Variants in SNCAIP observed in about 807,000 individuals in gnomAD.
The protein encoded by SNCAIP is synphilin-1.
SNCAIP carries 43 observed loss-of-function variants against 86.7 expected under a neutral mutation model. That is an observed-to-expected ratio of 0.50 (90% CI 0.39 to 0.64). The LOEUF is 0.64. Ranked by LOEUF, SNCAIP falls within the 30% of genes least tolerant of loss-of-function variation. SNCAIP has a pLI of 0.00. For missense variants in SNCAIP, 981 were observed against 1,103.1 expected (o/e 0.89, Z 1.57); for synonymous variants, 417 against 427.2 (o/e 0.98, Z 0.29).
chr5:122,441,966 C>T (rs1004191020), intron 7 of SNCAIP, among the ~76,000 whole-genome samples: 1 of 152,040 alleles, frequency 6.6e-6, no homozygotes, highest in Non-Finnish European at 1.5e-5. Flanking sequence ...CCATATCTAT[C>T]TGATATATAG....
intron 1 of SNCAIP, among the ~76,000 whole-genome samples, chr5:122,384,233 A>C (rs1238685121): frequency 6.6e-6 from 1 of 152,208 alleles, no homozygotes; most frequent in African/African-American, 2.4e-5. Context: ...CTTTGCCCCT[A>C]CTTAGTAGTG....
chr5:122,373,483 A>G (rs1372764873), intron 1 of SNCAIP, among the ~76,000 whole-genome samples: 1 of 152,162 alleles, frequency 6.6e-6, no homozygotes, highest in Non-Finnish European at 1.5e-5. Flanking sequence ...AGAGAAAAAG[A>G]CATTTGAGAT....
intron 10 of SNCAIP, among the ~76,000 whole-genome samples, chr5:122,459,295 A>C (rs1785539981): frequency 6.6e-6 from 1 of 152,218 alleles, no homozygotes; most frequent in African/African-American, 2.4e-5. Context: ...TGTAAGTTGC[A>C]GTCTGGTCAC....
chr5:122,378,390 T>C lies in SNCAIP; in HGVS notation c.-46-12699T>C, dbSNP rs1323639761. ...TCGCCCACTTTTTGATGGGGTTGTT[T>C]GTTTTTTTCTTGTAAATTTGTTTGA... is the stretch of plus-strand genomic sequence containing the variant. On this transcript the variant is annotated intron_variant, in intron 1 of 10. Coordinates refer to ENST00000261368, the MANE Select transcript of SNCAIP (RefSeq NM_005460.4). 2.2e-5 allele frequency among the ~76,000 whole-genome samples: 3 copies of C among 134,696 alleles called. 1 individual carries two copies. Among genetic ancestry groups the C allele is most frequent in the Non-Finnish European group, 4.8e-5 (3 of 62,260 alleles). The allele number at this position is 134,696 out of a possible 152,430, so 88.4% of individuals were successfully genotyped here. A position where few individuals can be genotyped will look rare whatever the true frequency, so the allele number is the denominator to read the frequency against.
rs555907203 is a variant in SNCAIP at position 122,403,833 on chromosome 5, G to A, written c.98G>A (p.Arg33Gln). 8.3e-5 allele frequency: 134 copies of A among 1,613,766 alleles called. 3 individuals are homozygous for A. In the South Asian group the frequency reaches 9.9e-4, roughly 12 times the overall value. Residue 33 changes from arginine to glutamine, a missense_variant, in exon 3 of 11, where the codon CGA becomes CAA. Physicochemically the swap from Arg to Gln is conservative, Grantham distance 43 (BLOSUM62 1). Coordinates refer to ENST00000261368, the MANE Select transcript of SNCAIP (RefSeq NM_005460.4). ...TSLKTIPELC[R>Q]RCDTQNEDRS... ...CTCAAGACGATCCCAGAACTGTGCC[G>A]AAGATGTGATACGCAAAACGAAGAC...
intron 1 of SNCAIP, among the ~76,000 whole-genome samples, chr5:122,378,512 T>A: frequency 7.0e-6 from 1 of 143,046 alleles, no homozygotes; most frequent in East Asian, 2.1e-4. Flanking sequence ...CTGATGGTAG[T>A]TTCTTTTGCT....
At chr5:122,400,992 A>C in intron 2 of SNCAIP, 1 of 1,549,854 alleles carries the variant, frequency 6.5e-7, no homozygotes. Context: ...CAAGGACAAT[A>C]GGAGTCAAGG....
chr5:122,357,584 C>A (rs924827647), intron 1 of SNCAIP, among the ~76,000 whole-genome samples: 5 of 151,836 alleles, frequency 3.3e-5, no homozygotes, highest in Non-Finnish European at 4.4e-5. Flanking sequence ...TTTAAAAGGA[C>A]CCACCCTTCT....
intron 1 of SNCAIP, among the ~76,000 whole-genome samples, chr5:122,353,839 T>C (rs1380479211): frequency 6.6e-6 from 1 of 152,106 alleles, no homozygotes; most frequent in African/African-American, 2.4e-5. Context: ...AATGGACTAA[T>C]ACGGCAGGGA....
intron 3 of SNCAIP, among the ~76,000 whole-genome samples, chr5:122,421,603 C>G (rs762485686): frequency 5.3e-5 from 8 of 152,208 alleles, no homozygotes; most frequent in South Asian, 2.1e-4. Context: ...CATACACATG[C>G]TTCCCACTTG....
At chr5:122,435,003 G>A (rs1779112850) in intron 6 of SNCAIP, among the ~76,000 whole-genome samples, 1 of 151,806 alleles carries the variant, frequency 6.6e-6, no homozygotes, top group Non-Finnish European at 1.5e-5. Flanking sequence ...TGGGCTCCAC[G>A]TGACTCCTAA....
intron 8 of SNCAIP, 76 bp from the exon 9 acceptor site, chr5:122,449,769 C>A (rs576050342): frequency 3.0e-6 from 3 of 992,016 alleles, no homozygotes; most frequent in African/African-American, 3.2e-5. Context: ...GAAATTATTA[C>A]GAAAAATATT....
intron 10 of SNCAIP, among the ~76,000 whole-genome samples, chr5:122,457,214 G>A (rs1319866397): frequency 2.0e-5 from 3 of 152,064 alleles, no homozygotes; most frequent in Non-Finnish European, 4.4e-5. Flanking sequence ...TGTTGGCCAG[G>A]CTGGTTTTGA....
chr5:122,423,861 G>T, intron 4 of SNCAIP, 122 bp downstream of exon 4: 1 of 852,238 alleles, frequency 1.2e-6, no homozygotes. Flanking sequence ...CTTTACTTGT[G>T]GCTTTAGTTG....
chr5:122,320,941 A>G (rs1191607606), intron 1 of SNCAIP, among the ~76,000 whole-genome samples: 1 of 152,182 alleles, frequency 6.6e-6, no homozygotes, highest in Non-Finnish European at 1.5e-5. Flanking sequence ...CCTTCTTTGT[A>G]GCCCTTGATG....
intron 1 of SNCAIP, among the ~76,000 whole-genome samples, chr5:122,347,746 G>A (rs375923440): frequency 3.1e-4 from 47 of 152,044 alleles, no homozygotes; most frequent in South Asian, 1.0e-3. Flanking sequence ...TATTCAAACA[G>A]TTCTGTTTGT....
chr5:122,318,800 G>T (rs995524267), intron 1 of SNCAIP, among the ~76,000 whole-genome samples: 2 of 152,034 alleles, frequency 1.3e-5, no homozygotes, highest in Non-Finnish European at 2.9e-5. Context: ...TAAAATCTAT[G>T]GGTCAGAGAC....
intron 1 of SNCAIP, among the ~76,000 whole-genome samples, chr5:122,377,194 T>C (rs1342334299): frequency 6.6e-6 from 1 of 152,160 alleles, no homozygotes; most frequent in Non-Finnish European, 1.5e-5. Flanking sequence ...TTTCCTTAGC[T>C]GTATTGCATA....
rs141836984 is a variant in SNCAIP at position 122,423,118 on chromosome 5, C to A, written c.381C>A (p.Gly127=). The part of the protein sequence containing the change: ...PQELGPGDGV[G]GPPGKSSEPS... The stretch of plus-strand genomic sequence containing the variant: ...AGCTTGGCCCTGGAGATGGAGTGGG[C>A]GGCCCACCAGGTAAGAGCTCTGAGC... The change falls in exon 4 of 11, where the codon GGC becomes GGA. Residue 127 remains glycine (G), a synonymous_variant. Transcript: ENST00000261368. 16 of 1,613,956 alleles carry A rather than the reference C, an allele frequency of 9.9e-6. No individual in the cohort carries two copies. The highest frequency in any genetic ancestry group is 4.0e-5 in the African/African-American group (3 of 74,916).
Sources: allele counts gnomAD v4.1 joint callset (sites outside exome capture counted in the v4.1 genomes callset), GRCh38; gene constraint gnomAD v4.1.1; transcripts MANE v1.5; gene names NCBI Gene and HGNC (gene_info 2026-07-23, HGNC 2026-07-21).